GAS7: variants seen among roughly 807,000 people sequenced by gnomAD.
GAS7 encodes the protein growth arrest specific 7, also known as growth arrest-specific protein 7.
A neutral mutation model predicts 71.1 loss-of-function variants in GAS7; 28 were observed. That is an observed-to-expected ratio of 0.39 (90% CI 0.29 to 0.54). The LOEUF is 0.54. Ranked by LOEUF, GAS7 falls within the 20% of genes least tolerant of loss-of-function variation. GAS7 has a pLI of 0.62. For synonymous variants in GAS7, 258 were observed against 245.8 expected (o/e 1.05, Z -0.46); for missense variants, 436 against 627.8 (o/e 0.69, Z 3.27).
chr17:10,007,794 G>A (rs1213294744), intron 2 of GAS7, among the ~76,000 whole-genome samples: 1 of 151,816 alleles, frequency 6.6e-6, no homozygotes, highest in Non-Finnish European at 1.5e-5. Context: ...GGTTTTTGGT[G>A]TAGTTGCAGA....
In GAS7 at chr17:10,026,554, T is replaced by G. The variant is rs1387128617; in HGVS notation, c.184-6657A>C. On this transcript the variant is annotated intron_variant, in intron 1 of 13. Coordinates refer to ENST00000432992, the MANE Select transcript of GAS7 (RefSeq NM_201433.2). The surrounding 1 kb of genome is among the most constrained non-coding windows in gnomAD (Gnocchi z 4.5). Reference sequence around the variant, plus strand: ...CAGCCAGGGCATGGCTGGGCACGCCTGGGAAGGTTGAGTCCCGGAGTAGTC... The same window carrying G: ...CAGCCAGGGCATGGCTGGGCACGCCGGGGAAGGTTGAGTCCCGGAGTAGTC... Among the ~76,000 whole-genome samples, 1 of 152,116 alleles carries G rather than the reference T, an allele frequency of 6.6e-6. No individual in the cohort carries two copies. The highest frequency in any genetic ancestry group is 2.4e-5 in the African/African-American group (1 of 41,436).
rs1597431339 is a variant in GAS7 at position 9,915,408 on chromosome 17, A to G, written c.*1820T>C. The G allele has an allele frequency of 8.7e-6, 2 of 230,634 alleles. No homozygotes were observed. The highest frequency in any genetic ancestry group is 1.2e-4 in the East Asian group (2 of 16,200). The allele number at this position is 230,634 out of a possible 1,614,324, so 14.3% of individuals were successfully genotyped here. ...TATTCTAAAATTGGTAGCTGGTGTC[A>G]TGACCCAACCCCAGATCTGGACAGA... On this transcript the variant is annotated 3_prime_UTR_variant, in exon 14 of 14. Coordinates refer to ENST00000432992, the MANE Select transcript of GAS7 (RefSeq NM_201433.2).
At chr17:9,947,742 T>C (rs1256470489) in intron 5 of GAS7, among the ~76,000 whole-genome samples, 1 of 150,056 alleles carries the variant, frequency 6.7e-6, no homozygotes, top group Non-Finnish European at 1.5e-5. Context: ...GATCATGCCA[T>C]TGTACGAACG....
In GAS7 at chr17:10,124,853, G is replaced by C. The variant is rs142888655; in HGVS notation, c.183+73355C>G. ...GAATCGCTTGAACCCGGGAGGTGGAGGTTGCAGTGAGCCGAGTTCGCGCTA... is the reference window on the plus strand; with the variant it reads ...GAATCGCTTGAACCCGGGAGGTGGACGTTGCAGTGAGCCGAGTTCGCGCTA... On this transcript the variant is annotated intron_variant, in intron 1 of 13. Transcript: ENST00000432992. Among the ~76,000 whole-genome samples the C allele has an allele frequency of 9.4e-3, 1,433 of 152,158 alleles. 30 individuals are homozygous for C. Among genetic ancestry groups the C allele is most frequent in the African/African-American group, 0.033 (1,373 of 41,504 alleles).
rs150783910 is a variant in GAS7 at position 10,005,364 on chromosome 17, CCTGA to C, written c.304+14409_304+14412del. ...ACACACACATATATATATATATCTT[CCTGA>C]CTTTGTGTCTGATGCCACCCTCACC... On this transcript the variant is annotated intron_variant, in intron 2 of 13. Transcript: ENST00000432992. Among the ~76,000 whole-genome samples the C allele has an allele frequency of 9.1e-3, 1,380 of 151,040 alleles. 35 individuals carry two copies. Among genetic ancestry groups the C allele is most frequent in the East Asian group, 0.081 (414 of 5,132 alleles).
At chr17:10,043,326 G>C (rs771232420) in intron 1 of GAS7, among the ~76,000 whole-genome samples, 1 of 152,124 alleles carries the variant, frequency 6.6e-6, no homozygotes, top group African/African-American at 2.4e-5. Context: ...GGGAATGAAC[G>C]ATGTGAGTTC....
rs73273851 is a variant in GAS7, at chr17:10,088,549, G to A, written c.184-68652C>T. 9.7e-3 allele frequency among the ~76,000 whole-genome samples: 1,470 copies of A among 152,218 alleles called. 24 individuals carry two copies. Among genetic ancestry groups the A allele is most frequent in the African/African-American group, 0.033 (1,381 of 41,546 alleles). The stretch of plus-strand genomic sequence containing the variant: ...GCCCGGGCAGGAGGGGCAGTTCCAC[G>A]CAGCACTAATTGCCAAGCATCTTTT... On this transcript the variant is annotated intron_variant, in intron 1 of 13. Transcript: ENST00000432992.
At chr17:10,071,961 A>G (rs947782746) in intron 1 of GAS7, among the ~76,000 whole-genome samples, 5 of 151,812 alleles carry the variant, frequency 3.3e-5, no homozygotes, top group Non-Finnish European at 1.5e-5. Flanking sequence ...AAAGAAAAGA[A>G]AAAAAAGAAA....
intron 1 of GAS7, among the ~76,000 whole-genome samples, chr17:10,172,069 T>G (rs1464792281): frequency 6.6e-6 from 1 of 152,214 alleles, no homozygotes; most frequent in Non-Finnish European, 1.5e-5. Context: ...AAGAAAAGCA[T>G]ACACCTCCAT....
At position 9,911,950 on chromosome 17, in the gene GAS7, A is replaced by T; in HGVS notation, c.*5278T>A. 4.3e-6 allele frequency: 1 copy of T among 232,048 alleles called. No homozygotes were observed. Among genetic ancestry groups the T allele is most frequent in the East Asian group, 6.1e-5 (1 of 16,412 alleles). 14.4% of individuals were successfully genotyped at this position (232,048 alleles called of 1,614,324 possible). On this transcript the variant is annotated 3_prime_UTR_variant, in exon 14 of 14. Coordinates refer to ENST00000432992, the MANE Select transcript of GAS7 (RefSeq NM_201433.2). The surrounding 1 kb of genome is among the most constrained non-coding windows in gnomAD (Gnocchi z 4.0). ...TGGGTGTGGTCCTGTCCCTGCCACC[A>T]TGTACCACCATCCAGTGGGGTGCAG...
chr17:9,946,857 G>A lies in GAS7; in HGVS notation c.615+37C>T, dbSNP rs189166338. ...TCCTGGGTGTCCACTCCCGGTCACCGGGGTCACGCTGTGGGGGAAACTGAG... is the reference window on the plus strand; with the variant it reads ...TCCTGGGTGTCCACTCCCGGTCACCAGGGTCACGCTGTGGGGGAAACTGAG... On this transcript the variant is annotated intron_variant, in intron 6 of 13. Transcript: ENST00000432992. 5.0e-4 allele frequency: 700 copies of A among 1,395,946 alleles called. No homozygotes were observed. The African/African-American group carries it at 7.4e-3, about 15-fold the overall frequency. The allele number at this position is 1,395,946 out of a possible 1,614,324, so 86.5% of individuals were successfully genotyped here. A position where few individuals can be genotyped will look rare whatever the true frequency, so the allele number is the denominator to read the frequency against.
chr17:10,048,940 C>T (rs1387943922), intron 1 of GAS7, among the ~76,000 whole-genome samples: 5 of 152,202 alleles, frequency 3.3e-5, no homozygotes, highest in African/African-American at 4.8e-5. Context: ...AAGATTAGTG[C>T]CTTAGTATTT....
rs946930065 is a variant in GAS7, at chr17:10,026,174, G to A, written c.184-6277C>T. 1.1e-5 allele frequency: 11 copies of A among 984,702 alleles called. No individual in the cohort carries two copies. The highest frequency in any genetic ancestry group is 6.2e-5 in the Admixed American group (1 of 16,258). 61.0% of individuals were successfully genotyped at this position (984,702 alleles called of 1,614,324 possible). ...CCTTATCCTAAAGCCGTGAGCAAAC[G>A]CTACTCGCTGGTGTTAATGGGTGGT... On this transcript the variant is annotated intron_variant, in intron 1 of 13. Coordinates refer to ENST00000432992, the MANE Select transcript of GAS7 (RefSeq NM_201433.2). This position sits in a 1 kb window ranked among gnomAD's most constrained non-coding sequence, Gnocchi z 4.5.
chr17:10,191,555 C>CAAAAA (rs59145222), intron 1 of GAS7, among the ~76,000 whole-genome samples: 9 of 88,156 alleles, frequency 1.0e-4, no homozygotes, highest in African/African-American at 3.6e-4. Context: ...GACCCTGTGT[C>CAAAAA]AAAAAAAAAA....
At chr17:10,077,634 CGG>C (rs2073409620) in intron 1 of GAS7, among the ~76,000 whole-genome samples, 1 of 152,170 alleles carries the variant, frequency 6.6e-6, no homozygotes, top group Non-Finnish European at 1.5e-5. Flanking sequence ...CAGAAAACAA[CGG>C]GTTGACTCTC....
chr17:9,969,888 C>T lies in GAS7; in HGVS notation c.386-126G>A. On this transcript the variant is annotated intron_variant, in intron 3 of 13. Coordinates refer to ENST00000432992, the MANE Select transcript of GAS7 (RefSeq NM_201433.2). The surrounding 1 kb of genome is among the most constrained non-coding windows in gnomAD (Gnocchi z 5.5). The stretch of plus-strand genomic sequence containing the variant: ...CTGAGAGGTCTTGCGTGGCGAAGAC[C>T]ATCCCTCAGGATCTGATCTTATCTG... The T allele has an allele frequency of 1.5e-6, 1 of 665,828 alleles. No individual in the cohort carries two copies. Among genetic ancestry groups the T allele is most frequent in the Non-Finnish European group, 2.7e-6 (1 of 364,312 alleles). 41.2% of individuals were successfully genotyped at this position (665,828 alleles called of 1,614,324 possible).
At chr17:10,071,574 TA>T (rs35955853) in intron 1 of GAS7, among the ~76,000 whole-genome samples, 3 of 151,724 alleles carry the variant, frequency 2.0e-5, no homozygotes, top group Admixed American at 1.3e-4. Context: ...CAGACCTTTT[TA>T]AAAAAAAGTT....
At position 9,910,832 on chromosome 17, in the gene GAS7, C is replaced by A; in HGVS notation, c.*6396G>T. 4.4e-6 allele frequency: 1 copy of A among 228,170 alleles called. No homozygotes were observed. Among genetic ancestry groups the A allele is most frequent in the East Asian group, 6.3e-5 (1 of 15,922 alleles). 14.1% of individuals were successfully genotyped at this position (228,170 alleles called of 1,614,324 possible). A position where few individuals can be genotyped will look rare whatever the true frequency, so the allele number is the denominator to read the frequency against. On this transcript the variant is annotated 3_prime_UTR_variant, in exon 14 of 14. Coordinates refer to ENST00000432992, the MANE Select transcript of GAS7 (RefSeq NM_201433.2). ...TATTACATCAATTTTATTTACTGAT[C>A]TAGGCAGCCAGAGGGTGGAAGGATA...
At chr17:9,970,769 G>C (rs114285952) in intron 3 of GAS7, among the ~76,000 whole-genome samples, 3 of 152,252 alleles carry the variant, frequency 2.0e-5, no homozygotes, top group African/African-American at 7.2e-5. Context: ...AAGGAACAGG[G>C]GGAGCCCTGA....
Sources: allele counts gnomAD v4.1 joint callset (sites outside exome capture counted in the v4.1 genomes callset), GRCh38; gene constraint gnomAD v4.1.1; non-coding constraint Gnocchi (gnomAD v3.1); transcripts MANE v1.5; gene names NCBI Gene and HGNC (gene_info 2026-07-23, HGNC 2026-07-21).